The following SLX4IP variants were observed in gnomAD, a reference collection of about 807,000 sequenced individuals.
SLX4IP encodes protein SLX4IP.
SLX4IP carries 34 observed loss-of-function variants against 32.9 expected under a neutral mutation model. That is an observed-to-expected ratio of 1.03 (90% CI 0.79 to 1.38). The LOEUF is 1.38. SLX4IP is among the 40% of genes most tolerant of loss of function. The probability of loss-of-function intolerance (pLI) is 0.00; values close to 1 mark genes in which losing one functional copy is unlikely to be tolerated. For missense variants in SLX4IP, 444 were observed against 479.0 expected (o/e 0.93, Z 0.68); for synonymous variants, 172 against 171.7 (o/e 1.00, Z -0.01).
At chr20:10,541,138 A>C (rs897191345) in intron 2 of SLX4IP, among the ~76,000 whole-genome samples, 1 of 152,176 alleles carries the variant, frequency 6.6e-6, no homozygotes, top group African/African-American at 2.4e-5. Flanking sequence ...AAACTTCTTA[A>C]TCCTTTACTT....
rs1451572358 is a variant in SLX4IP, at chr20:10,476,720, A to G, written c.27+18489A>G. Among the ~76,000 whole-genome samples the G allele has an allele frequency of 7.9e-5, 12 of 152,106 alleles. 1 individual carries two copies. Among genetic ancestry groups the G allele is most frequent in the Non-Finnish European group, 1.5e-4 (10 of 68,022 alleles). On this transcript the variant is annotated intron_variant, in intron 2 of 7. Coordinates refer to ENST00000334534, the MANE Select transcript of SLX4IP (RefSeq NM_001009608.3). ...TCCAGAGAAGGGTGCTTTCTGTAAAATTTACATGAATCAGCCTCTTATTGC... is the reference window on the plus strand; with the variant it reads ...TCCAGAGAAGGGTGCTTTCTGTAAAGTTTACATGAATCAGCCTCTTATTGC...
chr20:10,618,049 A>C (rs1209824155), intron 6 of SLX4IP, among the ~76,000 whole-genome samples: 1 of 152,170 alleles, frequency 6.6e-6, no homozygotes, highest in East Asian at 1.9e-4. Flanking sequence ...AGTCCTTTCT[A>C]TCCTGGAATT....
At chr20:10,613,957 A>C in intron 6 of SLX4IP, 1 of 1,160,234 alleles carries the variant, frequency 8.6e-7, no homozygotes, top group Non-Finnish European at 1.3e-6. Flanking sequence ...AGCACAGGAG[A>C]GTCCTCGTCC....
chr20:10,585,374 C>T (rs2066634192), intron 4 of SLX4IP, among the ~76,000 whole-genome samples: 1 of 152,094 alleles, frequency 6.6e-6, no homozygotes, highest in African/African-American at 2.4e-5. Context: ...ATGTGGGCCC[C>T]TCTTTCTCTG....
intron 6 of SLX4IP, among the ~76,000 whole-genome samples, chr20:10,620,759 G>A (rs2122571740): frequency 6.6e-6 from 1 of 152,270 alleles, no homozygotes; most frequent in South Asian, 2.1e-4. Context: ...GTTTCACCGT[G>A]TTAGCCAGGA....
chr20:10,618,797 C>T (rs914274645), intron 6 of SLX4IP, among the ~76,000 whole-genome samples: 7 of 152,178 alleles, frequency 4.6e-5, no homozygotes, highest in Non-Finnish European at 7.4e-5. Context: ...TGCACCTTGG[C>T]GTTGTGCCTC....
intron 1 of SLX4IP, among the ~76,000 whole-genome samples, chr20:10,456,393 G>A (rs2065285724): frequency 6.6e-6 from 1 of 152,142 alleles, no homozygotes; most frequent in Non-Finnish European, 1.5e-5. Context: ...CCAGGGTGGA[G>A]TGCAGTGGCA....
intron 2 of SLX4IP, among the ~76,000 whole-genome samples, chr20:10,491,897 T>C (rs752370782): frequency 1.3e-5 from 2 of 152,240 alleles, no homozygotes; most frequent in African/African-American, 4.8e-5. Context: ...TTTATTTCTA[T>C]ATACATTTTC....
intron 2 of SLX4IP, among the ~76,000 whole-genome samples, chr20:10,530,774 A>G (rs1812518765): frequency 6.6e-6 from 1 of 152,166 alleles, no homozygotes; most frequent in South Asian, 2.1e-4. Flanking sequence ...CAAATCTTTA[A>G]AAAGGGATTT....
intron 2 of SLX4IP, among the ~76,000 whole-genome samples, chr20:10,485,885 C>T (rs1273071547): frequency 4.6e-5 from 7 of 151,958 alleles, no homozygotes; most frequent in Non-Finnish European, 8.8e-5. Context: ...GGAAGTAGAT[C>T]GTCATAAAGA....
intron 2 of SLX4IP, among the ~76,000 whole-genome samples, chr20:10,478,216 C>CT (rs35740368): frequency 2.6e-4 from 40 of 152,222 alleles, no homozygotes; most frequent in South Asian, 4.1e-4. Context: ...CTTTTAAAAG[C>CT]TTTTTTTGTG....
intron 6 of SLX4IP, among the ~76,000 whole-genome samples, chr20:10,610,830 T>G (rs1168713169): frequency 6.6e-6 from 1 of 152,236 alleles, no homozygotes; most frequent in Non-Finnish European, 1.5e-5. Context: ...CTGTCCCACC[T>G]GTTTTGCCCT....
intron 2 of SLX4IP, among the ~76,000 whole-genome samples, chr20:10,497,575 T>C (rs936831604): frequency 1.3e-5 from 2 of 152,138 alleles, no homozygotes; most frequent in African/African-American, 4.8e-5. Context: ...TACTTGTGTT[T>C]ATCATTTTTT....
intron 1 of SLX4IP, among the ~76,000 whole-genome samples, chr20:10,454,567 G>A (rs1247681500): frequency 6.6e-6 from 1 of 152,192 alleles, no homozygotes; most frequent in African/African-American, 2.4e-5. Context: ...GCCTGGCTGA[G>A]CACAGTAAAG....
chr20:10,547,903 G>A (rs2066179122), intron 2 of SLX4IP, among the ~76,000 whole-genome samples: 1 of 152,198 alleles, frequency 6.6e-6, no homozygotes, highest in Non-Finnish European at 1.5e-5. Flanking sequence ...AGGCCACCTG[G>A]TGGATGGCCC....
chr20:10,436,837 T>C lies in SLX4IP; in HGVS notation c.-30+1384T>C, dbSNP rs556542032. On this transcript the variant is annotated intron_variant, in intron 1 of 7. Coordinates refer to ENST00000334534, the MANE Select transcript of SLX4IP (RefSeq NM_001009608.3). ...TTGAAAAGAGATTTTGTCATCCCAA[T>C]ATACTTATATGTAATTTCTGTTATA... Among the ~76,000 whole-genome samples, 38 of 152,310 alleles carry C rather than the reference T, an allele frequency of 2.5e-4. 2 individuals are homozygous for C. The highest frequency in any genetic ancestry group is 6.8e-3 in the Middle Eastern group (2 of 294).
intron 2 of SLX4IP, among the ~76,000 whole-genome samples, chr20:10,478,484 A>G (rs747871548): frequency 3.3e-5 from 5 of 152,214 alleles, no homozygotes; most frequent in East Asian, 1.9e-4. Context: ...TTTGATGAAG[A>G]TCGAAACTCT....
chr20:10,627,259 A>G lies in SLX4IP; in HGVS notation c.*3880A>G, dbSNP rs999028494. ...TCTTTTCTCTTATGGGGAAATTTCCATGCTTGGTTTGTCAAGACAAGAGAA... is the reference window on the plus strand; with the variant it reads ...TCTTTTCTCTTATGGGGAAATTTCCGTGCTTGGTTTGTCAAGACAAGAGAA... On this transcript the variant is annotated 3_prime_UTR_variant, in exon 8 of 8. Transcript: ENST00000334534. The G allele has an allele frequency of 2.6e-5, 4 of 152,216 alleles. No individual in the cohort carries two copies. The highest frequency in any genetic ancestry group is 5.9e-5 in the Non-Finnish European group (4 of 68,042). 9.4% of individuals were successfully genotyped at this position (152,216 alleles called of 1,614,324 possible).
intron 2 of SLX4IP, among the ~76,000 whole-genome samples, chr20:10,523,465 T>C (rs1289411301): frequency 6.6e-6 from 1 of 152,270 alleles, no homozygotes; most frequent in African/African-American, 2.4e-5. Context: ...TTTGTGTTTA[T>C]TTCTTCATAT....
Sources: allele counts gnomAD v4.1 joint callset (sites outside exome capture counted in the v4.1 genomes callset), GRCh38; gene constraint gnomAD v4.1.1; transcripts MANE v1.5; gene names NCBI Gene and HGNC (gene_info 2026-07-23, HGNC 2026-07-21).